Variants in RGS7 observed in about 807,000 individuals in gnomAD.
RGS7 encodes regulator of G-protein signaling 7.
In RGS7, 27 loss-of-function variants were observed where a neutral mutation model predicts 81.1. That is an observed-to-expected ratio of 0.33 (90% CI 0.25 to 0.46). RGS7 has a LOEUF of 0.46. Ranked by LOEUF, RGS7 falls within the 20% of genes least tolerant of loss-of-function variation. The pLI is 1.00. For synonymous variants in RGS7, 208 were observed against 207.7 expected (o/e 1.00, Z -0.01); for missense variants, 396 against 607.4 (o/e 0.65, Z 3.66).
At chr1:241,214,822 A>C (rs1280209731) in intron 2 of RGS7, among the ~76,000 whole-genome samples, 1 of 151,906 alleles carries the variant, frequency 6.6e-6, no homozygotes, top group East Asian at 1.9e-4. Flanking sequence ...TTCATCTATT[A>C]TATATTTCAG....
chr1:241,136,163 G>A (rs1204930118), intron 2 of RGS7, among the ~76,000 whole-genome samples: 2 of 152,208 alleles, frequency 1.3e-5, no homozygotes, highest in Admixed American at 6.5e-5. Flanking sequence ...TCAAGTGGGT[G>A]AGGGTAGATG....
At chr1:241,259,667 A>AAAAAAAAAAAAAAATATATAT in intron 2 of RGS7, among the ~76,000 whole-genome samples, 4 of 49,138 alleles carry the variant, frequency 8.1e-5, no homozygotes, top group African/African-American at 1.6e-4. Flanking sequence ...AAAAAAAAAA[A>AAAAAAAAAAAAAAATATATAT]ATATATATAT....
intron 2 of RGS7, among the ~76,000 whole-genome samples, chr1:241,245,406 T>C (rs1380086911): frequency 6.6e-6 from 1 of 151,620 alleles, no homozygotes; most frequent in Non-Finnish European, 1.5e-5. Context: ...CCTTCCACCA[T>C]GATTGTAAGT....
In RGS7 at chr1:240,868,484, G is replaced by A. The variant is rs149961850; in HGVS notation, c.609+103C>T. The stretch of plus-strand genomic sequence containing the variant: ...TGAATTCACCAAGATACCATGGAGC[G>A]TGCATGGGGTCACTACAGTCTTTCA... On this transcript the variant is annotated intron_variant, in intron 9 of 18. Coordinates refer to ENST00000440928, the MANE Select transcript of RGS7 (RefSeq NM_001364886.1). The surrounding 1 kb of genome is among the most constrained non-coding windows in gnomAD (Gnocchi z 5.1). 577 of 925,288 alleles carry A rather than the reference G, an allele frequency of 6.2e-4. 2 individuals are homozygous for A. The highest frequency in any genetic ancestry group is 5.1e-3 in the African/African-American group (313 of 61,760). 57.3% of individuals were successfully genotyped at this position (925,288 alleles called of 1,614,324 possible).
At chr1:240,882,367 T>C (rs1666552578) in intron 6 of RGS7, among the ~76,000 whole-genome samples, 1 of 152,210 alleles carries the variant, frequency 6.6e-6, no homozygotes, top group Non-Finnish European at 1.5e-5. Context: ...GGAAATGTCA[T>C]TGAACGATTC....
chr1:241,188,627 T>C (rs1428451219), intron 2 of RGS7, among the ~76,000 whole-genome samples: 1 of 152,160 alleles, frequency 6.6e-6, no homozygotes, highest in Non-Finnish European at 1.5e-5. Context: ...CTTGAGATTA[T>C]AAACCACGAC....
intron 14 of RGS7, among the ~76,000 whole-genome samples, chr1:240,808,982 C>T (rs562583259): frequency 5.3e-5 from 8 of 151,954 alleles, no homozygotes; most frequent in East Asian, 1.9e-4. Flanking sequence ...GGGATGATAA[C>T]GCCTATTTCA....
chr1:240,979,385 A>G (rs1398388533), intron 4 of RGS7, among the ~76,000 whole-genome samples: 1 of 152,212 alleles, frequency 6.6e-6, no homozygotes, highest in Non-Finnish European at 1.5e-5. Flanking sequence ...CTTAGTAAGA[A>G]AAGTGCAAAG....
intron 9 of RGS7, among the ~76,000 whole-genome samples, chr1:240,864,420 T>C (rs570397830): frequency 3.7e-4 from 57 of 152,272 alleles, no homozygotes; most frequent in African/African-American, 1.2e-3. Context: ...AACAAAAATG[T>C]TGGGGATAAA....
At chr1:240,872,311 GC>G (rs1239597506) in intron 6 of RGS7, among the ~76,000 whole-genome samples, 1 of 152,104 alleles carries the variant, frequency 6.6e-6, no homozygotes, top group Non-Finnish European at 1.5e-5. Flanking sequence ...AAGACAGGAA[GC>G]AGGGCATGGT....
At chr1:241,062,677 C>G (rs796758685) in intron 3 of RGS7, among the ~76,000 whole-genome samples, 1 of 152,108 alleles carries the variant, frequency 6.6e-6, no homozygotes, top group Non-Finnish European at 1.5e-5. Context: ...ATGCAATACC[C>G]CTTTTTTTCC....
At chr1:241,040,698 C>T (rs770714756) in intron 3 of RGS7, among the ~76,000 whole-genome samples, 3 of 152,066 alleles carry the variant, frequency 2.0e-5, no homozygotes, top group East Asian at 1.9e-4. Flanking sequence ...CCATCTTGGC[C>T]GTGCTGGTCT....
chr1:240,972,393 G>T (rs1255805994), intron 4 of RGS7, among the ~76,000 whole-genome samples: 1 of 149,222 alleles, frequency 6.7e-6, no homozygotes, highest in Non-Finnish European at 1.5e-5. Context: ...CATGTCCTTT[G>T]TAGGGACATG....
rs76994245 is a variant in RGS7 at position 240,835,318 on chromosome 1, A to C, written c.610-8146T>G. ...GCACCTCACCAAAGAAAATATACAG[A>C]TGGCAAATACATTTATACAAAGATG... On this transcript the variant is annotated intron_variant, in intron 9 of 18. Coordinates refer to ENST00000440928, the MANE Select transcript of RGS7 (RefSeq NM_001364886.1). 4.7e-3 allele frequency among the ~76,000 whole-genome samples: 719 copies of C among 152,330 alleles called. 9 individuals carry two copies. Among genetic ancestry groups the C allele is most frequent in the African/African-American group, 0.017 (697 of 41,568 alleles).
chr1:241,046,286 T>C (rs2060920693), intron 3 of RGS7, among the ~76,000 whole-genome samples: 1 of 123,950 alleles, frequency 8.1e-6, no homozygotes, highest in South Asian at 2.9e-4. Context: ...ACCTAATGGG[T>C]AGTTTTTCAG....
chr1:240,828,784 T>C (rs1227316023), intron 9 of RGS7, among the ~76,000 whole-genome samples: 1 of 152,176 alleles, frequency 6.6e-6, no homozygotes, highest in East Asian at 1.9e-4. Context: ...AGAAACTCCA[T>C]CTCAAAACAG....
intron 6 of RGS7, among the ~76,000 whole-genome samples, chr1:240,898,747 A>G (rs1669495881): frequency 6.6e-6 from 1 of 152,184 alleles, no homozygotes; most frequent in Admixed American, 6.5e-5. Context: ...TCCTGAGAAG[A>G]ATGTATATTC....
intron 9 of RGS7, among the ~76,000 whole-genome samples, chr1:240,860,313 A>C (rs1038209470): frequency 6.6e-6 from 1 of 152,158 alleles, no homozygotes; most frequent in African/African-American, 2.4e-5. Context: ...TTACAGTCTC[A>C]AAATAAAATA....
chr1:241,212,478 T>C (rs1003372211), intron 2 of RGS7, among the ~76,000 whole-genome samples: 2 of 152,180 alleles, frequency 1.3e-5, no homozygotes, highest in South Asian at 2.1e-4. Context: ...TCATAAATTA[T>C]GTAGCCAGTC....
Sources: gnomAD v4.1 joint callset for allele counts (sites outside exome capture counted in the v4.1 genomes callset) on GRCh38, gnomAD v4.1.1 for gene constraint, Gnocchi (gnomAD v3.1) non-coding constraint, MANE v1.5 for transcripts, NCBI Gene and HGNC (gene_info 2026-07-23, HGNC 2026-07-21) for gene names.